Variants in ARHGEF10L observed in about 807,000 individuals in gnomAD.
ARHGEF10L encodes rho guanine nucleotide exchange factor 10-like protein.
ARHGEF10L carries 69 observed loss-of-function variants against 141.2 expected under a neutral mutation model. The observed-to-expected ratio is 0.49, with a 90% CI of 0.40 to 0.60. The LOEUF is 0.60. Ranked by LOEUF, ARHGEF10L falls within the 20% of genes least tolerant of loss-of-function variation. The probability of loss-of-function intolerance (pLI) is 0.00; values close to 1 mark genes in which losing one functional copy is unlikely to be tolerated. For synonymous variants in ARHGEF10L, 711 were observed against 718.5 expected (o/e 0.99, Z 0.17); for missense variants, 1,482 against 1,734.3 (o/e 0.85, Z 2.58).
At chr1:17,696,766 G>T in intron 28 of ARHGEF10L, 82 bp from the exon 29 acceptor site, 7 of 1,323,868 alleles carry the variant, frequency 5.3e-6, no homozygotes, top group Non-Finnish European at 7.2e-6. Context: ...CACCCAGAAT[G>T]TTCTCCAGGA....
rs1477338161 is a variant in ARHGEF10L, at chr1:17,621,846, G to T, written c.943-18G>T. 2 of 1,612,236 alleles carry T rather than the reference G, an allele frequency of 1.2e-6. No homozygotes were observed. The highest frequency in any genetic ancestry group is 1.7e-5 in the Admixed American group (1 of 59,970). On this transcript the variant is annotated intron_variant, in intron 10 of 28. Coordinates refer to ENST00000361221, the MANE Select transcript of ARHGEF10L (RefSeq NM_018125.4). The surrounding 1 kb of genome is among the most constrained non-coding windows in gnomAD (Gnocchi z 4.1). ...AGCAGGTGTCATGTGCGCTGACCGTGCTTTTTGGCCCGAGCAGGTGGTCCG... is the reference window on the plus strand; with the variant it reads ...AGCAGGTGTCATGTGCGCTGACCGTTCTTTTTGGCCCGAGCAGGTGGTCCG...
At chr1:17,637,504 T>G (rs2101781501) in intron 18 of ARHGEF10L, among the ~76,000 whole-genome samples, 1 of 139,860 alleles carries the variant, frequency 7.2e-6, no homozygotes, top group Middle Eastern at 3.5e-3. Flanking sequence ...CTGGAACTCT[T>G]TCTTTTTTTT....
Position 17,565,209 on chromosome 1 carries a change from G to A in ARHGEF10L, c.-43-15344G>A, listed in dbSNP as rs185310666. 2.2e-3 allele frequency among the ~76,000 whole-genome samples: 342 copies of A among 152,248 alleles called. 5 individuals carry two copies. The highest frequency in any genetic ancestry group is 1.3e-3 in the East Asian group (7 of 5,186). ...TTACAAGGATACTAATCCCATTCAC[G>A]AGGGCTCTACCCTCATGACCTGATT... On this transcript the variant is annotated intron_variant, in intron 1 of 28. Transcript: ENST00000361221.
chr1:17,606,538 C>T (rs968335276), intron 6 of ARHGEF10L, among the ~76,000 whole-genome samples: 1 of 151,872 alleles, frequency 6.6e-6, no homozygotes, highest in African/African-American at 2.4e-5. Context: ...AGGCGATCCA[C>T]CCATCTCAGC....
chr1:17,640,334 G>C, intron 21 of ARHGEF10L, 32 bp downstream of exon 21: 2 of 1,572,996 alleles, frequency 1.3e-6, no homozygotes, highest in Non-Finnish European at 1.7e-6. Flanking sequence ...GTGCCTCAGG[G>C]GGCAGGGGTG....
At chr1:17,599,083 C>A (rs1326418093) in intron 4 of ARHGEF10L, among the ~76,000 whole-genome samples, 2 of 152,120 alleles carry the variant, frequency 1.3e-5, no homozygotes, top group Non-Finnish European at 2.9e-5. Context: ...TAGGCTCACT[C>A]CCAGCACTTT....
Position 17,691,705 on chromosome 1 carries a change from G to GTA in ARHGEF10L, c.3185-3443_3185-3442dup, listed in dbSNP as rs201831903. ...GCTCAATTGTGTATATATATTATAT[G>GTA]TATATATATATGTGTGTATATATTT... On this transcript the variant is annotated intron_variant, in intron 27 of 28. Coordinates refer to ENST00000361221, the MANE Select transcript of ARHGEF10L (RefSeq NM_018125.4). 8.7e-3 allele frequency among the ~76,000 whole-genome samples: 1,319 copies of GTA among 151,440 alleles called. 17 individuals carry two copies. The highest frequency in any genetic ancestry group is 0.03 in the African/African-American group (1,235 of 41,280).
intron 4 of ARHGEF10L, among the ~76,000 whole-genome samples, chr1:17,594,349 T>C (rs752399423): frequency 3.3e-5 from 5 of 152,116 alleles, no homozygotes; most frequent in African/African-American, 4.8e-5. Flanking sequence ...CCAGCTGGCT[T>C]CCAGAACCTG....
At chr1:17,534,632 C>T in the ARHGEF10L span, among the ~76,000 whole-genome samples, 3 of 151,076 alleles carry the variant, frequency 2.0e-5, no homozygotes, top group South Asian at 6.3e-4. Flanking sequence ...CTCTGTTGCC[C>T]AGGCTGGAGT....
intron 25 of ARHGEF10L, among the ~76,000 whole-genome samples, chr1:17,659,853 C>A (rs1475433463): frequency 6.6e-6 from 1 of 152,224 alleles, no homozygotes; most frequent in Non-Finnish European, 1.5e-5. Context: ...ACAGAACCCA[C>A]AGAACCAGCA....
chr1:17,593,349 G>A lies in ARHGEF10L; in HGVS notation c.257+4870G>A, dbSNP rs113217581. On this transcript the variant is annotated intron_variant, in intron 4 of 28. Transcript: ENST00000361221. ...GCCCTTCCACCCCTTGGAGATTTCC[G>A]TGTCTTCATCCCCAGCACCTGTGAA... Among the ~76,000 whole-genome samples the A allele has an allele frequency of 4.7e-3, 715 of 152,256 alleles. 6 individuals carry two copies. The highest frequency in any genetic ancestry group is 5.8e-3 in the Non-Finnish European group (396 of 68,030).
intron 4 of ARHGEF10L, among the ~76,000 whole-genome samples, chr1:17,595,495 C>T (rs2080005425): frequency 6.6e-6 from 1 of 152,154 alleles, no homozygotes; most frequent in South Asian, 2.1e-4. Context: ...CCTCGACGCT[C>T]ACTCCCTGCT....
At chr1:17,592,939 T>C (rs892558739) in intron 4 of ARHGEF10L, among the ~76,000 whole-genome samples, 1 of 152,164 alleles carries the variant, frequency 6.6e-6, no homozygotes, top group Non-Finnish European at 1.5e-5. Flanking sequence ...TAAAGGTCCC[T>C]TGCCAAATCC....
At chr1:17,662,423 C>T (rs1054277538) in intron 25 of ARHGEF10L, among the ~76,000 whole-genome samples, 2 of 152,176 alleles carry the variant, frequency 1.3e-5, no homozygotes, top group African/African-American at 2.4e-5. Flanking sequence ...GCGAAGCCCC[C>T]GTCCAAGTTC....
chr1:17,648,444 G>A, intron 21 of ARHGEF10L, 110 bp from the exon 22 acceptor site: 1 of 1,398,504 alleles, frequency 7.2e-7, no homozygotes, highest in Non-Finnish European at 9.8e-7. Context: ...ACTGGATGGG[G>A]CCAGGCTTCT....
chr1:17,619,227 C>A lies in ARHGEF10L; in HGVS notation c.836-112C>A. The A allele has an allele frequency of 9.6e-7, 1 of 1,039,472 alleles. No homozygotes were observed. The highest frequency in any genetic ancestry group is 1.4e-6 in the Non-Finnish European group (1 of 703,874). The allele number at this position is 1,039,472 out of a possible 1,614,324, so 64.4% of individuals were successfully genotyped here. On this transcript the variant is annotated intron_variant, in intron 9 of 28. Transcript: ENST00000361221. The surrounding 1 kb of genome is among the most constrained non-coding windows in gnomAD (Gnocchi z 5.0). ...CCCACGGGGCCCCAGGAGCTGCTTG[C>A]ACCCTAGGACCTGGGTCCAAGGCTG...
chr1:17,569,831 G>T (rs1392115258), intron 1 of ARHGEF10L, among the ~76,000 whole-genome samples: 1 of 152,358 alleles, frequency 6.6e-6, no homozygotes, highest in East Asian at 1.9e-4. Flanking sequence ...ACATGCTTCT[G>T]ACTCATCAGA....
At chr1:17,650,732 CAAAAAAAAAA>C (rs71575854) in intron 22 of ARHGEF10L, among the ~76,000 whole-genome samples, 1 of 77,910 alleles carries the variant, frequency 1.3e-5, no homozygotes, top group African/African-American at 5.1e-5. Flanking sequence ...GACCCTGTCT[CAAAAAAAAAA>C]AAAAAAAAAA....
chr1:17,608,411 A>G (rs2081369052), intron 7 of ARHGEF10L, among the ~76,000 whole-genome samples: 1 of 152,230 alleles, frequency 6.6e-6, no homozygotes, highest in African/African-American at 2.4e-5. Context: ...ACCAGGCCTC[A>G]GCCCGCGCAG....
Sources: gnomAD v4.1 joint callset for allele counts (sites outside exome capture counted in the v4.1 genomes callset) on GRCh38, gnomAD v4.1.1 for gene constraint, Gnocchi (gnomAD v3.1) non-coding constraint, MANE v1.5 for transcripts, NCBI Gene and HGNC (gene_info 2026-07-23, HGNC 2026-07-21) for gene names.